Variants in EME1 observed in about 807,000 individuals in gnomAD.
The protein encoded by EME1 is essential meiotic structure-specific endonuclease 1, also known as structure-specific endonuclease subunit EME1.
EME1 carries 61 observed loss-of-function variants against 59.1 expected under a neutral mutation model. That is an observed-to-expected ratio of 1.03 (90% CI 0.84 to 1.28). The LOEUF is 1.28. EME1 is among the 50% of genes most tolerant of loss of function. EME1 has a pLI of 0.00. For missense variants in EME1, 635 were observed against 682.6 expected (o/e 0.93, Z 0.78); for synonymous variants, 230 against 254.2 (o/e 0.90, Z 0.90).
intron 5 of EME1, 54 bp downstream of exon 5, chr17:50,378,949 G>C: frequency 6.2e-7 from 1 of 1,613,746 alleles, no homozygotes; most frequent in South Asian, 1.1e-5. Flanking sequence ...TTGGGCCAAG[G>C]GGGGTGAGTT....
In EME1 at chr17:50,380,518, C is replaced by A; in HGVS notation, c.1536+17C>A. The A allele has an allele frequency of 6.2e-7, 1 of 1,610,526 alleles. No homozygotes were observed. The highest frequency in any genetic ancestry group is 2.2e-5 in the East Asian group (1 of 44,828). ...CTGGTACAGGTATGCTGCTCCAGGG[C>A]TCAGGGGTCACTGCCCATTGCCTGC... On this transcript the variant is annotated intron_variant, in intron 8 of 8. Coordinates refer to ENST00000338165, the MANE Select transcript of EME1 (RefSeq NM_152463.4).
chr17:50,380,226 G>GT, intron 7 of EME1, 86 bp from the exon 8 acceptor site: 3 of 1,381,320 alleles, frequency 2.2e-6, no homozygotes, highest in Non-Finnish European at 3.0e-6. Context: ...TCCAAGGTCA[G>GT]TGGGGGGGTT....
chr17:50,375,125 C>T lies in EME1; in HGVS notation c.-24-60C>T, dbSNP rs926760704. ...TATGTCATAAAGCCTGGCTATGGAACACAGCTAGTGGACTGAATTGAATGC... is the reference window on the plus strand; with the variant it reads ...TATGTCATAAAGCCTGGCTATGGAATACAGCTAGTGGACTGAATTGAATGC... On this transcript the variant is annotated intron_variant, in intron 1 of 8. Coordinates refer to ENST00000338165, the MANE Select transcript of EME1 (RefSeq NM_152463.4). 11 of 1,359,114 alleles carry T rather than the reference C, an allele frequency of 8.1e-6. No individual in the cohort carries two copies. In the African/African-American group the frequency reaches 1.2e-4, roughly 14 times the overall value. 84.2% of individuals were successfully genotyped at this position (1,359,114 alleles called of 1,614,324 possible). A position where few individuals can be genotyped will look rare whatever the true frequency, so the allele number is the denominator to read the frequency against.
At position 50,375,864 on chromosome 17, in the gene EME1, C is replaced by G. The variant is rs372210616; in HGVS notation, c.656C>G (p.Ala219Gly). Residue 219 changes from alanine (A) to glycine (G), a missense_variant, in exon 2 of 9, where the codon GCA becomes GGA. Transcript: ENST00000338165. The part of the protein sequence containing the change: ...GSHGCRQQRQ[A>G]RQKESTLRRQ... Reference sequence around the variant, plus strand: ...CACGGATGCCGGCAGCAGAGACAAGCAAGGCAGAAGGAAAGCACCCTGAGA... The same window carrying G: ...CACGGATGCCGGCAGCAGAGACAAGGAAGGCAGAAGGAAAGCACCCTGAGA... The G allele has an allele frequency of 3.2e-5, 51 of 1,614,034 alleles. No homozygotes were observed. The highest frequency in any genetic ancestry group is 4.2e-5 in the Non-Finnish European group (49 of 1,180,038).
chr17:50,375,724 C>T lies in EME1; in HGVS notation c.516C>T (p.Tyr172=), dbSNP rs1180955905. Residue 172 remains tyrosine, a synonymous_variant, in exon 2 of 9, where the codon TAC becomes TAT. Coordinates refer to ENST00000338165, the MANE Select transcript of EME1 (RefSeq NM_152463.4). ...ILDPCCQLPA[Y]LSTCPGQSSS... ...ATCCATGCTGTCAGCTTCCAGCCTACCTGTCTACCTGCCCTGGCCAGAGCA... is the reference window on the plus strand; with the variant it reads ...ATCCATGCTGTCAGCTTCCAGCCTATCTGTCTACCTGCCCTGGCCAGAGCA... 1.2e-6 allele frequency: 2 copies of T among 1,614,006 alleles called. No individual in the cohort carries two copies. The highest frequency in any genetic ancestry group is 1.7e-6 in the Non-Finnish European group (2 of 1,180,030).
Position 50,379,496 on chromosome 17 carries a change from T to G in EME1, c.1275T>G (p.Ile425Met). 2 of 1,614,164 alleles carry G rather than the reference T, an allele frequency of 1.2e-6. No homozygotes were observed. The highest frequency in any genetic ancestry group is 1.7e-6 in the Non-Finnish European group (2 of 1,180,020). ...TACACACAGAAGCCCAGGCTCAAAT[T>G]GTGCAGAGCTGGAAAGAGCTGGCCG... ...LQLHTEAQAQ[I>M]VQSWKELADF... Residue 425 changes from isoleucine to methionine, a missense_variant, in exon 7 of 9, where the codon ATT becomes ATG. By Grantham distance (10) the Ile-to-Met change is conservative. Coordinates refer to ENST00000338165, the MANE Select transcript of EME1 (RefSeq NM_152463.4).
chr17:50,374,412 A>AT (rs1209029487), intron 1 of EME1, among the ~76,000 whole-genome samples: 2 of 151,800 alleles, frequency 1.3e-5, no homozygotes, highest in African/African-American at 4.8e-5. Context: ...TAATTTTTGT[A>AT]TTTTTTTGTA....
At position 50,375,287 on chromosome 17, in the gene EME1, A is replaced by G; in HGVS notation, c.79A>G (p.Lys27Glu). The change falls in exon 2 of 9, where the codon AAG becomes GAG. Residue 27 changes from lysine (K) to glutamate (E), a missense_variant. Transcript: ENST00000338165. ...SEELPTFAFL[K>E]KEPSSTKRRQ... ...GGAGTTGCCAACATTTGCCTTTCTG[A>G]AGAAGGAACCATCTTCAACAAAGAG... 1.2e-6 allele frequency: 2 copies of G among 1,614,160 alleles called. No homozygotes were observed. Among genetic ancestry groups the G allele is most frequent in the Non-Finnish European group, 1.7e-6 (2 of 1,180,018 alleles).
At chr17:50,379,374 G>T in intron 6 of EME1, 78 bp from the exon 7 acceptor site, 2 of 1,587,254 alleles carry the variant, frequency 1.3e-6, no homozygotes, top group Non-Finnish European at 1.7e-6. Flanking sequence ...AGGGGCTGGG[G>T]TGTGGCTTTA....
At position 50,375,341 on chromosome 17, in the gene EME1, G is replaced by A. The variant is rs1913399357; in HGVS notation, c.133G>A (p.Val45Ile). The change falls in exon 2 of 9, where the codon GTA becomes ATA. Residue 45 changes from valine to isoleucine, a missense_variant. By Grantham distance (29) the Val-to-Ile change is conservative (BLOSUM62 3). Coordinates refer to ENST00000338165, the MANE Select transcript of EME1 (RefSeq NM_152463.4). ...ACAGCCTGAAAGGGAAGAGAAGATT[G>A]TAGTGGTTGACATCTCAGATTGTGA... ...RRQPEREEKI[V>I]VVDISDCEAS... 6.2e-7 allele frequency: 1 copy of A among 1,614,202 alleles called. No individual in the cohort carries two copies. Among genetic ancestry groups the A allele is most frequent in the Non-Finnish European group, 8.5e-7 (1 of 1,180,036 alleles).
At chr17:50,379,051 C>A (rs754127165) in intron 5 of EME1, 56 bp from the exon 6 acceptor site, 1 of 1,613,958 alleles carries the variant, frequency 6.2e-7, no homozygotes, top group Non-Finnish European at 8.5e-7. Context: ...TCTTCTGTAT[C>A]TTCTGCCTGA....
At position 50,379,516 on chromosome 17, in the gene EME1, T is replaced by G. The variant is rs1327871935; in HGVS notation, c.1295T>G (p.Leu432Arg). Residue 432 changes from leucine (L) to arginine (R), a missense_variant, in exon 7 of 9, where the codon CTG (leucine) becomes CGG (arginine). Transcript: ENST00000338165. Reference protein sequence around the residue: ...QAQIVQSWKELADFTCAFTKA... With the variant: ...QAQIVQSWKERADFTCAFTKA... ...CAAATTGTGCAGAGCTGGAAAGAGC[T>G]GGCCGACTTCACATGCGCATTCACA... 6.2e-7 allele frequency: 1 copy of G among 1,614,224 alleles called. No homozygotes were observed. The highest frequency in any genetic ancestry group is 1.7e-5 in the Admixed American group (1 of 60,024).
rs17714959 is a variant in EME1, at chr17:50,379,575, A to G, written c.1346+8A>G. The G allele has an allele frequency of 0.014, 22,383 of 1,613,008 alleles. 302 individuals carry two copies. Among genetic ancestry groups the G allele is most frequent in the African/African-American group, 0.041 (3,061 of 74,962 alleles). On this transcript the variant is annotated splice_region_variant and intron_variant, in intron 7 of 8. Coordinates refer to ENST00000338165, the MANE Select transcript of EME1 (RefSeq NM_152463.4). ...GGCTGAGGCGCCCTTCAAGTGAGTA[A>G]CCCCAGCAAGTCCAGCCTCCATGCT... is the stretch of plus-strand genomic sequence containing the variant.
chr17:50,374,532 C>T (rs1376452639), intron 1 of EME1, among the ~76,000 whole-genome samples: 2 of 152,076 alleles, frequency 1.3e-5, no homozygotes, highest in Non-Finnish European at 2.9e-5. Context: ...AGCTACCATG[C>T]CCAGCCTATA....
rs1252389668 is a variant in EME1 at position 50,378,685 on chromosome 17, G to C, written c.990+4G>C. ...CATGATCGACAATGGAAAGCAGGTG[G>C]GCAGAGCCAGAGGGTGGGAGGACAC... On this transcript the variant is annotated splice_donor_region_variant and intron_variant, in intron 4 of 8. Transcript: ENST00000338165. 6.2e-7 allele frequency: 1 copy of C among 1,614,136 alleles called. No individual in the cohort carries two copies. The highest frequency in any genetic ancestry group is 1.1e-5 in the South Asian group (1 of 91,082).
In EME1 at chr17:50,373,287, C is replaced by A; in HGVS notation, c.-25+10C>A. 1 of 1,450,060 alleles carries A rather than the reference C, an allele frequency of 6.9e-7. No homozygotes were observed. The highest frequency in any genetic ancestry group is 9.4e-7 in the Non-Finnish European group (1 of 1,061,148). The allele number at this position is 1,450,060 out of a possible 1,614,324, so 89.8% of individuals were successfully genotyped here. On this transcript the variant is annotated intron_variant, in intron 1 of 8. Coordinates refer to ENST00000338165, the MANE Select transcript of EME1 (RefSeq NM_152463.4). ...GCGGGAGAAGTTGCAGGTGAGCGTC[C>A]CCGGTCGCAGGCCTGCGGATTGGGC...
Position 50,375,623 on chromosome 17 carries a change from T to C in EME1, c.415T>C (p.Phe139Leu), listed in dbSNP as rs141118056. 2.8e-6 allele frequency: 4 copies of C among 1,451,754 alleles called. No individual in the cohort carries two copies. The highest frequency in any genetic ancestry group is 3.8e-6 in the Non-Finnish European group (4 of 1,051,498). 89.9% of individuals were successfully genotyped at this position (1,451,754 alleles called of 1,614,324 possible). A position where few individuals can be genotyped will look rare whatever the true frequency, so the allele number is the denominator to read the frequency against. Residue 139 changes from phenylalanine (F) to leucine (L), a missense_variant, in exon 2 of 9, where the codon TTT becomes CTT. By Grantham distance (22) the Phe-to-Leu change is conservative. Coordinates refer to ENST00000338165, the MANE Select transcript of EME1 (RefSeq NM_152463.4). The part of the protein sequence containing the change: ...EGASCDWKKP[F>L]PKIPEVPLHD... Reference sequence around the variant, plus strand: ...TGCATCATGTGACTGGAAAAAGCCCTTTCCAAAGATCCCTGAAGTTCCCCT... The same window carrying C: ...TGCATCATGTGACTGGAAAAAGCCCCTTCCAAAGATCCCTGAAGTTCCCCT...
In EME1 at chr17:50,380,993, T is replaced by G; in HGVS notation, c.*54T>G. 1 of 1,595,340 alleles carries G rather than the reference T, an allele frequency of 6.3e-7. No homozygotes were observed. Among genetic ancestry groups the G allele is most frequent in the South Asian group, 1.1e-5 (1 of 90,416 alleles). ...GCTGGAAACTTCCACTTCCCCAACC[T>G]CAGAGCCTGACTGTAATGAAGAGAC... is the stretch of plus-strand genomic sequence containing the variant. On this transcript the variant is annotated 3_prime_UTR_variant, in exon 9 of 9. Coordinates refer to ENST00000338165, the MANE Select transcript of EME1 (RefSeq NM_152463.4).
chr17:50,380,568 C>T (rs1598365253), intron 8 of EME1, 67 bp downstream of exon 8: 1 of 1,581,916 alleles, frequency 6.3e-7, no homozygotes, highest in South Asian at 1.2e-5. Flanking sequence ...CCCAGATTTC[C>T]ATGGACAACT....
Sources: gnomAD v4.1 joint callset for allele counts (sites outside exome capture counted in the v4.1 genomes callset) on GRCh38, gnomAD v4.1.1 for gene constraint, MANE v1.5 for transcripts, NCBI Gene and HGNC (gene_info 2026-07-23, HGNC 2026-07-21) for gene names.